PADI1: variants seen among roughly 807,000 people sequenced by gnomAD.
PADI1 encodes peptidyl arginine deiminase 1.
In PADI1, 65 loss-of-function variants were observed where a neutral mutation model predicts 74.8. The observed-to-expected ratio is 0.87, with a 90% CI of 0.71 to 1.07. The LOEUF is 1.07. Among genes scored for constraint, PADI1 ranks in the 50% least tolerant of loss-of-function variants. The pLI is 0.00. For synonymous variants in PADI1, 371 were observed against 336.2 expected, an observed-to-expected ratio of 1.10 and a Z score of -1.13; for missense variants, 943 against 854.0, an observed-to-expected ratio of 1.10 and a Z score of -1.30.
chr1:17,226,243 A>G, intron 6 of PADI1, 85 bp downstream of exon 6: 1 of 1,462,964 alleles, frequency 6.8e-7, no homozygotes, highest in South Asian at 1.2e-5. Flanking sequence ...TTTTTCCATC[A>G]CCTTTTTGTA....
chr1:17,218,907 G>A (rs2072055039), intron 1 of PADI1, among the ~76,000 whole-genome samples: 1 of 152,120 alleles, frequency 6.6e-6, no homozygotes, highest in African/African-American at 2.4e-5. Context: ...GGAGGGCTGG[G>A]AGATGAGGTG....
chr1:17,220,850 T>C (rs551399174), intron 1 of PADI1, among the ~76,000 whole-genome samples: 1 of 152,344 alleles, frequency 6.6e-6, no homozygotes, highest in East Asian at 1.9e-4. Context: ...AAGAATGAGA[T>C]GCCACCCACA....
intron 4 of PADI1, 128 bp from the exon 5 acceptor site, chr1:17,225,683 A>T: frequency 1.4e-6 from 1 of 711,788 alleles, no homozygotes; most frequent in East Asian, 2.6e-5. Context: ...TCCTTTTTAA[A>T]ATCTTTAAGC....
intron 13 of PADI1, among the ~76,000 whole-genome samples, chr1:17,239,036 A>C (rs3003413): frequency 0.51 from 78,197 of 152,130 alleles, 20,506 homozygotes; most frequent in African/African-American, 0.6. Context: ...ATTGGCTTGG[A>C]CAGGGCTATG....
Position 17,222,932 on chromosome 1 carries a change from C to G in PADI1, c.273+462C>G, listed in dbSNP as rs141240656. Among the ~76,000 whole-genome samples the G allele has an allele frequency of 4.6e-3, 707 of 152,312 alleles. 7 individuals carry two copies. The highest frequency in any genetic ancestry group is 0.017 in the African/African-American group (686 of 41,570). On this transcript the variant is annotated intron_variant, in intron 2 of 15. Coordinates refer to ENST00000375471, the MANE Select transcript of PADI1 (RefSeq NM_013358.3). ...CGCCTGCCCGAAGCTCAGACGAGTCCCTCCTCACTCGCCCCAGCCCCCAGC... is the reference window on the plus strand; with the variant it reads ...CGCCTGCCCGAAGCTCAGACGAGTCGCTCCTCACTCGCCCCAGCCCCCAGC...
intron 1 of PADI1, among the ~76,000 whole-genome samples, chr1:17,208,711 C>A (rs2071753764): frequency 6.6e-6 from 1 of 152,224 alleles, no homozygotes; most frequent in Admixed American, 6.5e-5. Context: ...TTCCCTGGAT[C>A]TGGCCAGACT....
At chr1:17,220,658 G>A (rs1056551738) in intron 1 of PADI1, among the ~76,000 whole-genome samples, 4 of 152,138 alleles carry the variant, frequency 2.6e-5, no homozygotes, top group Non-Finnish European at 2.9e-5. Context: ...GCTCTGCCGT[G>A]GGGGATGATG....
intron 1 of PADI1, among the ~76,000 whole-genome samples, chr1:17,209,226 T>G (rs1481174284): frequency 6.6e-6 from 1 of 152,198 alleles, no homozygotes; most frequent in Non-Finnish European, 1.5e-5. Context: ...ACACTGACAC[T>G]AATTTCCAGC....
chr1:17,227,849 G>A (rs1268044864), intron 6 of PADI1, among the ~76,000 whole-genome samples: 4 of 152,208 alleles, frequency 2.6e-5, no homozygotes, highest in Non-Finnish European at 5.9e-5. Context: ...CTCTTGCCGT[G>A]TGCAGCCACC....
rs746561116 is a variant in PADI1 at position 17,239,750 on chromosome 1, C to G, written c.1599C>G (p.Asp533Glu). The change falls in exon 14 of 16, where the codon GAC (aspartate) becomes GAG (glutamate). Residue 533 changes from aspartate (D) to glutamate (E), a missense_variant. Coordinates refer to ENST00000375471, the MANE Select transcript of PADI1 (RefSeq NM_013358.3). ...AKRSINEMLA[D>E]RHLQRDNLHA... ...GAAGCATTAATGAGATGCTGGCAGACAGACACCTCCAGAGAGACAATCTTC... is the reference window on the plus strand; with the variant it reads ...GAAGCATTAATGAGATGCTGGCAGAGAGACACCTCCAGAGAGACAATCTTC... 3 of 1,613,862 alleles carry G rather than the reference C, an allele frequency of 1.9e-6. No individual in the cohort carries two copies. In the Admixed American group the frequency reaches 5.0e-5, roughly 27 times the overall value.
chr1:17,207,181 G>A (rs12082617), intron 1 of PADI1, among the ~76,000 whole-genome samples: 42,824 of 151,922 alleles, frequency 0.28, 6,338 homozygotes, highest in Middle Eastern at 0.39. Flanking sequence ...AACATTTCAC[G>A]GGGAGCCGGG....
Position 17,207,098 on chromosome 1 carries a change from C to T in PADI1, c.92+1789C>T, listed in dbSNP as rs180868068. Reference sequence around the variant, plus strand: ...TCTTCTTATTTCAGGCTTCTGCTCTCATCTGAGGGCATGGCTGTTTCTAGA... The same window carrying T: ...TCTTCTTATTTCAGGCTTCTGCTCTTATCTGAGGGCATGGCTGTTTCTAGA... On this transcript the variant is annotated intron_variant, in intron 1 of 15. Coordinates refer to ENST00000375471, the MANE Select transcript of PADI1 (RefSeq NM_013358.3). Among the ~76,000 whole-genome samples, 92 of 152,286 alleles carry T rather than the reference C, an allele frequency of 6.0e-4. 1 individual carries two copies. Among genetic ancestry groups the T allele is most frequent in the African/African-American group, 2.0e-3 (85 of 41,524 alleles).
chr1:17,240,537 G>A (rs934715394), intron 14 of PADI1, 98 bp from the exon 15 acceptor site: 30 of 1,343,582 alleles, frequency 2.2e-5, no homozygotes, highest in African/African-American at 1.2e-4. Context: ...AGGAGCTAGC[G>A]GGCCCAGAGG....
intron 1 of PADI1, among the ~76,000 whole-genome samples, chr1:17,206,881 A>G (rs537279472): frequency 6.6e-6 from 1 of 152,148 alleles, no homozygotes; most frequent in South Asian, 2.1e-4. Flanking sequence ...AGGTTTTGCC[A>G]TGTTGGTCAG....
Position 17,205,447 on chromosome 1 carries a change from T to C in PADI1, c.92+138T>C. The C allele has an allele frequency of 5.6e-6, 4 of 719,092 alleles. No homozygotes were observed. The South Asian group carries it at 6.8e-5, about 12-fold the overall frequency. The allele number at this position is 719,092 out of a possible 1,614,324, so 44.5% of individuals were successfully genotyped here. A position where few individuals can be genotyped will look rare whatever the true frequency, so the allele number is the denominator to read the frequency against. Reference sequence around the variant, plus strand: ...ATAGCAGAGAAGGTGGAGTTGGCTGTGGAGTCTGGAAGGAAGGAACTAGGG... The same window carrying C: ...ATAGCAGAGAAGGTGGAGTTGGCTGCGGAGTCTGGAAGGAAGGAACTAGGG... On this transcript the variant is annotated intron_variant, in intron 1 of 15. Coordinates refer to ENST00000375471, the MANE Select transcript of PADI1 (RefSeq NM_013358.3).
Position 17,228,636 on chromosome 1 carries a change from C to G in PADI1, c.664C>G (p.Leu222Val). Residue 222 changes from leucine (L) to valine (V), a missense_variant, in exon 7 of 16, where the codon CTC (leucine) becomes GTC (valine). By Grantham distance (32) the Leu-to-Val change is conservative (BLOSUM62 1). Coordinates refer to ENST00000375471, the MANE Select transcript of PADI1 (RefSeq NM_013358.3). The stretch of plus-strand genomic sequence containing the variant: ...CTTGTTCTTCCTAGGTGGGAATTCT[C>G]TCTCGGACTACAAACAGGTGCTGGG... ...RVFCARGGNS[L>V]SDYKQVLGPQ... The G allele has an allele frequency of 6.2e-7, 1 of 1,614,200 alleles. No individual in the cohort carries two copies. Among genetic ancestry groups the G allele is most frequent in the Non-Finnish European group, 8.5e-7 (1 of 1,180,022 alleles).
intron 6 of PADI1, among the ~76,000 whole-genome samples, chr1:17,227,429 G>A (rs937112111): frequency 4.0e-5 from 6 of 150,642 alleles, no homozygotes; most frequent in Admixed American, 2.0e-4. Context: ...TACTCTGAAG[G>A]CTGAAGTGGG....
intron 1 of PADI1, 90 bp downstream of exon 1, chr1:17,205,399 G>C: frequency 1.0e-6 from 1 of 962,778 alleles, no homozygotes; most frequent in Non-Finnish European, 1.7e-6. Context: ...AGTCAGGCAC[G>C]TTGGAAAGGA....
rs751214692 is a variant in PADI1, at chr1:17,230,094, C to T, written c.939C>T (p.Asp313=). The change falls in exon 9 of 16, where the codon GAC becomes GAT. Residue 313 remains aspartate, a synonymous_variant. Coordinates refer to ENST00000375471, the MANE Select transcript of PADI1 (RefSeq NM_013358.3). Reference sequence around the variant, plus strand: ...TCCCTACCTTTTACAGAGTGATGGACACTCATGGCTCCAATGAGAAATTCC... The same window carrying T: ...TCCCTACCTTTTACAGAGTGATGGATACTCATGGCTCCAATGAGAAATTCC... ...PEELYVCRVM[D]THGSNEKFLE... 14 of 1,613,552 alleles carry T rather than the reference C, an allele frequency of 8.7e-6. No homozygotes were observed. In the South Asian group the frequency reaches 9.9e-5, roughly 11 times the overall value.
Sources: gnomAD v4.1 joint callset for allele counts (sites outside exome capture counted in the v4.1 genomes callset) on GRCh38, gnomAD v4.1.1 for gene constraint, MANE v1.5 for transcripts, NCBI Gene and HGNC (gene_info 2026-07-23, HGNC 2026-07-21) for gene names.